Variants in PITPNM3 observed in about 807,000 individuals in gnomAD.
PITPNM3 encodes the protein membrane-associated phosphatidylinositol transfer protein 3.
In PITPNM3, 26 loss-of-function variants were observed where a neutral mutation model predicts 102.0. The ratio of observed to expected loss-of-function variants is 0.25; its 90% confidence interval spans 0.19 to 0.35. The LOEUF (loss-of-function observed/expected upper bound fraction) is 0.35, where lower values mean the gene tolerates loss of function less well. PITPNM3 is among the 10% of genes least tolerant of loss of function. PITPNM3 has a pLI of 1.00. For synonymous variants in PITPNM3, 578 were observed against 558.6 expected (o/e 1.03, Z -0.49); for missense variants, 1,083 against 1,346.1 (o/e 0.80, Z 3.06).
chr17:6,525,512 G>C, intron 2 of PITPNM3, 49 bp from the exon 3 acceptor site: 5 of 1,402,588 alleles, frequency 3.6e-6, no homozygotes, highest in Non-Finnish European at 5.1e-6. Flanking sequence ...CTAGGGATAG[G>C]TAGCCCTATC....
At chr17:6,524,120 G>T (rs1372877429) in intron 3 of PITPNM3, among the ~76,000 whole-genome samples, 1 of 152,178 alleles carries the variant, frequency 6.6e-6, no homozygotes, top group Non-Finnish European at 1.5e-5. Context: ...AGGAGGCAAG[G>T]ATGGGGATGA....
chr17:6,541,213 G>C (rs568183352), intron 1 of PITPNM3, among the ~76,000 whole-genome samples: 1 of 152,230 alleles, frequency 6.6e-6, no homozygotes, highest in South Asian at 2.1e-4. Context: ...GGAGGGGTTA[G>C]AGGGGAAGAC....
Position 6,477,890 on chromosome 17 carries a change from C to T in PITPNM3, c.900+85G>A, listed in dbSNP as rs181113917. On this transcript the variant is annotated intron_variant, in intron 8 of 19. Transcript: ENST00000262483. Reference sequence around the variant, plus strand: ...TGTGACCTGGATGTCATGGTGCCAACGTGAAGAACCAGCACTCTCTCCCCG... The same window carrying T: ...TGTGACCTGGATGTCATGGTGCCAATGTGAAGAACCAGCACTCTCTCCCCG... 1.5e-4 allele frequency: 242 copies of T among 1,591,172 alleles called. No homozygotes were observed. The African/African-American group carries it at 2.6e-3, about 17-fold the overall frequency.
At chr17:6,503,711 C>T (rs769887747) in intron 3 of PITPNM3, 137 bp from the exon 4 acceptor site, 224 of 874,218 alleles carry the variant, frequency 2.6e-4, no homozygotes, top group Non-Finnish European at 4.0e-4. Flanking sequence ...CCTACCACTT[C>T]ATGCCCTGCT....
chr17:6,523,191 CT>C (rs1908641276), intron 3 of PITPNM3, among the ~76,000 whole-genome samples: 1 of 152,200 alleles, frequency 6.6e-6, no homozygotes, highest in Admixed American at 6.5e-5. Flanking sequence ...TTTGTGAGGG[CT>C]GCCACTTGTG....
chr17:6,543,447 G>A (rs1357161475), intron 1 of PITPNM3, among the ~76,000 whole-genome samples: 1 of 152,256 alleles, frequency 6.6e-6, no homozygotes, highest in Non-Finnish European at 1.5e-5. Context: ...CAGGGGCAGA[G>A]TCCTCAGGCG....
At chr17:6,489,576 C>T (rs1906313089) in intron 4 of PITPNM3, among the ~76,000 whole-genome samples, 1 of 152,026 alleles carries the variant, frequency 6.6e-6, no homozygotes, top group Admixed American at 6.6e-5. Context: ...TTTGTTCTTA[C>T]TAATGCCTCC....
In PITPNM3 at chr17:6,540,599, T is replaced by A. The variant is rs554508403; in HGVS notation, c.23-2517A>T. ...GGTTAAAATATATATTCTTTTCAAATGCATATTTTATCTTGTTTACTATTA... is the reference window on the plus strand; with the variant it reads ...GGTTAAAATATATATTCTTTTCAAAAGCATATTTTATCTTGTTTACTATTA... On this transcript the variant is annotated intron_variant, in intron 1 of 19. Coordinates refer to ENST00000262483, the MANE Select transcript of PITPNM3 (RefSeq NM_031220.4). 3.4e-4 allele frequency among the ~76,000 whole-genome samples: 52 copies of A among 152,362 alleles called. 2 individuals are homozygous for A. Among genetic ancestry groups the A allele is most frequent in the Admixed American group, 3.3e-3 (50 of 15,302 alleles).
At chr17:6,528,160 A>T (rs1887138526) in intron 2 of PITPNM3, among the ~76,000 whole-genome samples, 1 of 151,996 alleles carries the variant, frequency 6.6e-6, no homozygotes, top group African/African-American at 2.4e-5. Flanking sequence ...TGGTCCTTGT[A>T]GTTCTCTTTG....
chr17:6,530,647 C>G (rs927083842), intron 2 of PITPNM3, among the ~76,000 whole-genome samples: 8 of 152,312 alleles, frequency 5.3e-5, no homozygotes, highest in Middle Eastern at 3.4e-3. Context: ...CTTGATCCAG[C>G]TACCCAGTGC....
chr17:6,465,652 C>G (rs1426234773), intron 14 of PITPNM3, among the ~76,000 whole-genome samples: 1 of 152,222 alleles, frequency 6.6e-6, no homozygotes, highest in Non-Finnish European at 1.5e-5. Context: ...AGCCTCGGCC[C>G]CAGCCCCACC....
chr17:6,522,285 C>T (rs971192117), intron 3 of PITPNM3, among the ~76,000 whole-genome samples: 13 of 79,790 alleles, frequency 1.6e-4, no homozygotes, highest in Admixed American at 7.3e-4. Context: ...ATTTAGTGTG[C>T]GCACACACAC....
chr17:6,484,180 G>T (rs769494621), intron 5 of PITPNM3, 36 bp downstream of exon 5: 42 of 1,546,558 alleles, frequency 2.7e-5, no homozygotes, highest in Non-Finnish European at 3.3e-5. Flanking sequence ...CCTGGCCTCT[G>T]AGTTGAGCCC....
intron 4 of PITPNM3, among the ~76,000 whole-genome samples, chr17:6,492,368 A>C (rs1906541871): frequency 6.6e-6 from 1 of 152,094 alleles, no homozygotes; most frequent in Non-Finnish European, 1.5e-5. Context: ...CAGCCTATGC[A>C]AGAACATTTT....
chr17:6,512,845 T>C (rs558097467), intron 3 of PITPNM3, among the ~76,000 whole-genome samples: 1 of 152,250 alleles, frequency 6.6e-6, no homozygotes, highest in African/African-American at 2.4e-5. Flanking sequence ...AGATTGTAAA[T>C]CATTCCTTAA....
intron 1 of PITPNM3, among the ~76,000 whole-genome samples, chr17:6,552,790 G>A (rs1475392022): frequency 4.0e-5 from 5 of 125,674 alleles, no homozygotes; most frequent in Admixed American, 8.8e-5. Context: ...TTTTTGAGAC[G>A]GAGTCTCGCT....
chr17:6,529,368 G>A (rs1282244591), intron 2 of PITPNM3, among the ~76,000 whole-genome samples: 1 of 152,126 alleles, frequency 6.6e-6, no homozygotes, highest in Non-Finnish European at 1.5e-5. Flanking sequence ...GCTGAGGCGG[G>A]CAAATCACAA....
At chr17:6,536,086 A>C (rs576249570) in intron 2 of PITPNM3, among the ~76,000 whole-genome samples, 1 of 143,264 alleles carries the variant, frequency 7.0e-6, no homozygotes. Flanking sequence ...AAAAAAAAAG[A>C]AAAAAAAAAA....
intron 4 of PITPNM3, among the ~76,000 whole-genome samples, chr17:6,485,113 T>C (rs964157758): frequency 1.4e-4 from 22 of 151,886 alleles, no homozygotes; most frequent in Non-Finnish European, 1.6e-4. Flanking sequence ...CACGAAACCA[T>C]GCACGAAAGC....
Sources: gnomAD v4.1 joint callset for allele counts (sites outside exome capture counted in the v4.1 genomes callset) on GRCh38, gnomAD v4.1.1 for gene constraint, MANE v1.5 for transcripts, NCBI Gene and HGNC (gene_info 2026-07-23, HGNC 2026-07-21) for gene names.